The following GABRA3 variants were observed in gnomAD, a reference collection of about 807,000 sequenced individuals.
GABRA3 encodes gamma-aminobutyric acid type A receptor subunit alpha3, also known as gamma-aminobutyric acid receptor subunit alpha-3.
A neutral mutation model predicts 30.1 loss-of-function variants in GABRA3; 10 were observed. The ratio of observed to expected loss-of-function variants is 0.33; its 90% CI spans 0.20 to 0.56. The LOEUF is 0.56. Among genes scored for constraint, GABRA3 ranks in the 20% least tolerant of loss-of-function variants. GABRA3 has a pLI of 0.89. For synonymous variants in GABRA3, 151 were observed against 146.8 expected (o/e 1.03, Z -0.21); for missense variants, 233 against 392.0 (o/e 0.59, Z 3.42).
chrX:152,188,529 A>T (rs1204430378), intron 9 of GABRA3, among the ~76,000 whole-genome samples: 1 of 110,721 alleles, frequency 9.0e-6, no homozygotes, highest in Non-Finnish European at 1.9e-5. Context: ...TTCCTAGCTG[A>T]TAAACCAAGT....
At chrX:152,310,706 A>G (rs1421094420) in intron 3 of GABRA3, among the ~76,000 whole-genome samples, 1 of 111,548 alleles carries the variant, frequency 9.0e-6, no homozygotes, top group African/African-American at 3.3e-5. Context: ...AACAATAACC[A>G]AAATCAGAGT....
chrX:152,279,445 G>C (rs1180552853), intron 4 of GABRA3, among the ~76,000 whole-genome samples: 1 of 111,035 alleles, frequency 9.0e-6, no homozygotes, highest in Non-Finnish European at 1.9e-5. Context: ...ATTTCTAAGG[G>C]CTCTGTTCTG....
At chrX:152,272,816 T>C (rs1038897905) in intron 4 of GABRA3, among the ~76,000 whole-genome samples, 1 of 111,390 alleles carries the variant, frequency 9.0e-6, no homozygotes, top group South Asian at 3.8e-4. Flanking sequence ...TCATGAGATT[T>C]GATGGTTTTA....
chrX:152,399,150 A>G (rs1050283800), intron 1 of GABRA3, among the ~76,000 whole-genome samples: 2 of 111,462 alleles, frequency 1.8e-5, no homozygotes, highest in East Asian at 2.8e-4. Flanking sequence ...TCTTAAGATA[A>G]TAGAGGTGTG....
At chrX:152,408,507 A>G (rs766521574) in intron 1 of GABRA3, among the ~76,000 whole-genome samples, 2 of 111,739 alleles carry the variant, frequency 1.8e-5, no homozygotes, top group South Asian at 7.4e-4. Flanking sequence ...ATCTAGAAAT[A>G]AACAAAAAAT....
intron 1 of GABRA3, among the ~76,000 whole-genome samples, chrX:152,430,921 T>C (rs1930637252): frequency 9.1e-6 from 1 of 109,387 alleles, no homozygotes; most frequent in Non-Finnish European, 1.9e-5. Context: ...AACGAGCTAG[T>C]GTGAGAATGA....
At chrX:152,198,142 A>T (rs1252689077) in intron 7 of GABRA3, among the ~76,000 whole-genome samples, 1 of 112,427 alleles carries the variant, frequency 8.9e-6, no homozygotes, top group Non-Finnish European at 1.9e-5. Flanking sequence ...TAATCTTCAC[A>T]GGAGCCCTAT....
At chrX:152,442,560 T>C (rs1311456140) in intron 1 of GABRA3, among the ~76,000 whole-genome samples, 1 of 111,700 alleles carries the variant, frequency 9.0e-6, no homozygotes, top group Non-Finnish European at 1.9e-5. Context: ...AAATAAATGT[T>C]ACTGCTACCC....
intron 1 of GABRA3, among the ~76,000 whole-genome samples, chrX:152,385,604 C>G (rs1336039930): frequency 9.0e-6 from 1 of 111,640 alleles, no homozygotes; most frequent in Non-Finnish European, 1.9e-5. Context: ...TAATTAGATC[C>G]CATTTGTCAA....
chrX:152,325,433 G>A (rs1940038559), intron 3 of GABRA3, among the ~76,000 whole-genome samples: 1 of 111,661 alleles, frequency 9.0e-6, no homozygotes, highest in African/African-American at 3.2e-5. Context: ...AGACTAACTG[G>A]GAGACACCTC....
chrX:152,231,291 G>A (rs866729669), intron 5 of GABRA3, among the ~76,000 whole-genome samples: 4 of 105,586 alleles, frequency 3.8e-5, no homozygotes, highest in Non-Finnish European at 5.9e-5. Context: ...ATACATATAC[G>A]TGTATATATA....
intron 3 of GABRA3, among the ~76,000 whole-genome samples, chrX:152,319,298 G>A (rs1939925569): frequency 1.8e-5 from 2 of 111,763 alleles, no homozygotes; most frequent in South Asian, 7.4e-4. Flanking sequence ...GAACAAATCT[G>A]GTGGCATCAC....
At chrX:152,356,356 T>C (rs935470210) in intron 2 of GABRA3, among the ~76,000 whole-genome samples, 10 of 112,056 alleles carry the variant, frequency 8.9e-5, no homozygotes, top group African/African-American at 3.2e-4. Flanking sequence ...GTGGTTTAAT[T>C]GAATAAATCA....
intron 7 of GABRA3, among the ~76,000 whole-genome samples, chrX:152,203,278 C>A (rs1937506708): frequency 8.9e-6 from 1 of 111,805 alleles, no homozygotes; most frequent in Non-Finnish European, 1.9e-5. Flanking sequence ...AATCTGAGTG[C>A]CTTTATCTAA....
At chrX:152,389,678 G>A (rs1929423777) in intron 1 of GABRA3, among the ~76,000 whole-genome samples, 2 of 111,514 alleles carry the variant, frequency 1.8e-5, no homozygotes, top group Non-Finnish European at 3.8e-5. Flanking sequence ...TGATCACAAT[G>A]TACCCTAAGA....
chrX:152,184,589 C>A (rs1937228861), intron 9 of GABRA3, among the ~76,000 whole-genome samples: 1 of 111,347 alleles, frequency 9.0e-6, no homozygotes, highest in Non-Finnish European at 1.9e-5. Flanking sequence ...ACTCTGTACA[C>A]AGACTTTTGT....
chrX:152,237,034 C>T (rs1192634471), intron 5 of GABRA3, among the ~76,000 whole-genome samples: 18 of 108,686 alleles, frequency 1.7e-4, no homozygotes, highest in African/African-American at 5.4e-4. Context: ...CTTTTGTTGC[C>T]ATTGCTTTTG....
intron 1 of GABRA3, among the ~76,000 whole-genome samples, chrX:152,390,105 T>C (rs1391576131): frequency 8.9e-6 from 1 of 111,773 alleles, no homozygotes; most frequent in Non-Finnish European, 1.9e-5. Context: ...ATTCCTGGTG[T>C]TTGAACTTCT....
chrX:152,367,510 A>C (rs940221324), intron 1 of GABRA3, among the ~76,000 whole-genome samples: 25 of 112,095 alleles, frequency 2.2e-4, no homozygotes, highest in Non-Finnish European at 4.3e-4. Context: ...ATAGACGAAA[A>C]TATCATTTAT....
Sources: allele counts gnomAD v4.1 joint callset (sites outside exome capture counted in the v4.1 genomes callset), GRCh38; gene constraint gnomAD v4.1.1; transcripts MANE v1.5; gene names NCBI Gene and HGNC (gene_info 2026-07-23, HGNC 2026-07-21).